KIAA0825: variants seen among roughly 807,000 people sequenced by gnomAD.
The protein encoded by KIAA0825 is uncharacterized protein KIAA0825.
A neutral mutation model predicts 147.6 loss-of-function variants in KIAA0825; 119 were observed. The observed-to-expected ratio is 0.81, with a 90% CI of 0.69 to 0.94. The LOEUF (loss-of-function observed/expected upper bound fraction) is 0.94. Ranked by LOEUF, KIAA0825 falls within the 40% of genes least tolerant of loss-of-function variation. KIAA0825 has a pLI of 0.00. For missense variants in KIAA0825, 1,381 were observed against 1,472.7 expected (o/e 0.94, Z 1.02); for synonymous variants, 470 against 518.1 (o/e 0.91, Z 1.26).
intron 20 of KIAA0825, among the ~76,000 whole-genome samples, chr5:94,179,003 T>C (rs1228501506): frequency 1.3e-5 from 2 of 152,126 alleles, no homozygotes; most frequent in African/African-American, 4.8e-5. Flanking sequence ...AAAATACATT[T>C]TTCTAAGTGA....
intron 20 of KIAA0825, among the ~76,000 whole-genome samples, chr5:94,231,297 T>G (rs1774679767): frequency 6.6e-6 from 1 of 152,124 alleles, no homozygotes; most frequent in South Asian, 2.1e-4. Flanking sequence ...AATATCAGAA[T>G]AAGTTTATGT....
intron 13 of KIAA0825, among the ~76,000 whole-genome samples, chr5:94,452,723 A>G (rs2150908755): frequency 6.6e-6 from 1 of 152,346 alleles, no homozygotes; most frequent in African/African-American, 2.4e-5. Flanking sequence ...CCAAAAATTT[A>G]CAGTTTTCCA....
intron 5 of KIAA0825, among the ~76,000 whole-genome samples, chr5:94,495,980 T>C (rs1425993969): frequency 2.0e-5 from 3 of 152,212 alleles, no homozygotes; most frequent in Non-Finnish European, 4.4e-5. Flanking sequence ...TATTTAAAAA[T>C]TCACTTAGAT....
At chr5:94,563,003 C>T (rs1396087967) in intron 2 of KIAA0825, among the ~76,000 whole-genome samples, 1 of 152,016 alleles carries the variant, frequency 6.6e-6, no homozygotes, top group Non-Finnish European at 1.5e-5. Context: ...TACCCGTAGA[C>T]ACTATTGAGA....
chr5:94,207,198 A>G (rs1312193467), intron 20 of KIAA0825, among the ~76,000 whole-genome samples: 2 of 152,192 alleles, frequency 1.3e-5, no homozygotes, highest in Non-Finnish European at 1.5e-5. Context: ...TATTACAATC[A>G]TCAACTGAGT....
chr5:94,528,821 A>G (rs1171230368), intron 3 of KIAA0825, among the ~76,000 whole-genome samples: 5 of 151,802 alleles, frequency 3.3e-5, no homozygotes, highest in Non-Finnish European at 7.4e-5. Context: ...AGGCTTGCCC[A>G]GGAATTTCAG....
chr5:94,292,420 T>C (rs1047146047), intron 20 of KIAA0825, among the ~76,000 whole-genome samples: 5 of 152,128 alleles, frequency 3.3e-5, no homozygotes, highest in African/African-American at 4.8e-5. Context: ...TATTGATTTG[T>C]GTATGTCGAA....
intron 20 of KIAA0825, among the ~76,000 whole-genome samples, chr5:94,187,668 G>A (rs527440050): frequency 1.1e-4 from 16 of 151,972 alleles, no homozygotes; most frequent in Admixed American, 2.0e-4. Context: ...CTCGCGATCC[G>A]CCCACCTCGG....
chr5:94,501,855 A>G (rs1765128155), intron 5 of KIAA0825, among the ~76,000 whole-genome samples: 1 of 152,202 alleles, frequency 6.6e-6, no homozygotes, highest in Non-Finnish European at 1.5e-5. Flanking sequence ...GTATACAAAG[A>G]AAAGAAACTA....
At chr5:94,505,297 G>T (rs1458634664) in intron 5 of KIAA0825, among the ~76,000 whole-genome samples, 1 of 151,590 alleles carries the variant, frequency 6.6e-6, no homozygotes, top group Non-Finnish European at 1.5e-5. Flanking sequence ...GAAGGCAGAG[G>T]TTGCAGTGAG....
intron 20 of KIAA0825, among the ~76,000 whole-genome samples, chr5:94,331,829 T>G (rs1255911226): frequency 2.6e-5 from 4 of 152,038 alleles, no homozygotes; most frequent in Admixed American, 2.6e-4. Flanking sequence ...ATCAATTCAT[T>G]AAAAACAATA....
At chr5:94,294,267 TG>T (rs1321009642) in intron 20 of KIAA0825, among the ~76,000 whole-genome samples, 1 of 152,240 alleles carries the variant, frequency 6.6e-6, no homozygotes, top group Non-Finnish European at 1.5e-5. Flanking sequence ...TGGCTGATAC[TG>T]GTTTTTCCTT....
chr5:94,524,697 C>A (rs1044014877), intron 3 of KIAA0825, among the ~76,000 whole-genome samples: 8 of 151,520 alleles, frequency 5.3e-5, no homozygotes, highest in African/African-American at 1.9e-4. Context: ...GGAAATGAAG[C>A]AAAGGGTTAA....
intron 2 of KIAA0825, among the ~76,000 whole-genome samples, chr5:94,539,653 G>T (rs1036978966): frequency 6.6e-6 from 1 of 152,092 alleles, no homozygotes; most frequent in Non-Finnish European, 1.5e-5. Context: ...TAAATAATGG[G>T]ATTGGGTTAG....
chr5:94,225,736 C>T (rs987260688), intron 20 of KIAA0825, among the ~76,000 whole-genome samples: 58 of 152,252 alleles, frequency 3.8e-4, no homozygotes, highest in African/African-American at 1.3e-3. Context: ...TTTAAGCCAC[C>T]CAACTATGGT....
chr5:94,424,276 C>CA (rs1331723786), intron 14 of KIAA0825, among the ~76,000 whole-genome samples: 2 of 151,972 alleles, frequency 1.3e-5, no homozygotes, highest in African/African-American at 4.8e-5. Flanking sequence ...CAGGATAGAC[C>CA]ATATGTTAGA....
At chr5:94,561,284 A>T (rs1777510676) in intron 2 of KIAA0825, among the ~76,000 whole-genome samples, 2 of 152,166 alleles carry the variant, frequency 1.3e-5, no homozygotes, top group Admixed American at 1.3e-4. Flanking sequence ...TGTGCCATAA[A>T]CCTCTTCCTT....
In KIAA0825 at chr5:94,485,082, C is replaced by A. The variant is rs528282992; in HGVS notation, c.971-152G>T. Reference sequence around the variant, plus strand: ...GTTCATTAAGAAATACATATAAAATCTCCTAGGAGTATCTTTTCTTCTGGG... The same window carrying A: ...GTTCATTAAGAAATACATATAAAATATCCTAGGAGTATCTTTTCTTCTGGG... On this transcript the variant is annotated intron_variant, in intron 5 of 20. Coordinates refer to ENST00000682413, the MANE Select transcript of KIAA0825 (RefSeq NM_001145678.3). Among the ~76,000 whole-genome samples the A allele has an allele frequency of 4.3e-4, 65 of 151,866 alleles. No individual in the cohort carries two copies. The South Asian group carries it at 0.013, about 32-fold the overall frequency.
intron 20 of KIAA0825, among the ~76,000 whole-genome samples, chr5:94,326,367 A>G (rs1780693669): frequency 1.3e-5 from 2 of 152,134 alleles, no homozygotes; most frequent in Non-Finnish European, 2.9e-5. Context: ...GGAGTTACGA[A>G]AGTTTATAAG....
Sources: gnomAD v4.1 joint callset for allele counts (sites outside exome capture counted in the v4.1 genomes callset) on GRCh38, gnomAD v4.1.1 for gene constraint, MANE v1.5 for transcripts, NCBI Gene and HGNC (gene_info 2026-07-23, HGNC 2026-07-21) for gene names.